The following UTP20 variants were observed in gnomAD, a reference collection of about 807,000 sequenced individuals.
UTP20 encodes the protein UTP20 small subunit processome component, also known as small subunit processome component 20 homolog.
In UTP20, 164 loss-of-function variants were observed where a neutral mutation model predicts 329.5. That is an observed-to-expected ratio of 0.50 (90% CI 0.44 to 0.57). The LOEUF is 0.57. UTP20 is among the 20% of genes least tolerant of loss of function. UTP20 has a pLI of 0.00. For synonymous variants in UTP20, 1,151 were observed against 1,159.3 expected, an observed-to-expected ratio of 0.99 and a Z score of 0.14; for missense variants, 3,055 against 3,284.2, an observed-to-expected ratio of 0.93 and a Z score of 1.71.
intron 12 of UTP20, among the ~76,000 whole-genome samples, chr12:101,296,495 C>T (rs7296602): frequency 0.31 from 45,776 of 149,640 alleles, 7,472 homozygotes; most frequent in Middle Eastern, 0.4. Flanking sequence ...GGCGTGAACC[C>T]GGGAGGTGGA....
chr12:101,320,696 C>T (rs769778075), intron 23 of UTP20, among the ~76,000 whole-genome samples, 156 bp from the exon 24 acceptor site: 2 of 152,008 alleles, frequency 1.3e-5, no homozygotes, highest in Non-Finnish European at 2.9e-5. Context: ...TTTTTACTTC[C>T]AGGAAAATGT....
intron 19 of UTP20, among the ~76,000 whole-genome samples, chr12:101,311,494 T>G (rs894400385): frequency 2.0e-5 from 3 of 152,210 alleles, no homozygotes; most frequent in African/African-American, 7.2e-5. Flanking sequence ...TCTACTTATA[T>G]TTTTAAAAAT....
intron 11 of UTP20, among the ~76,000 whole-genome samples, chr12:101,294,059 G>A (rs1043143314): frequency 6.6e-6 from 1 of 151,112 alleles, no homozygotes; most frequent in African/African-American, 2.4e-5. Context: ...TTTTAGAGAC[G>A]GAGTCTCACT....
chr12:101,357,577 C>A (rs964275690), intron 43 of UTP20, among the ~76,000 whole-genome samples: 2 of 152,072 alleles, frequency 1.3e-5, no homozygotes, highest in Non-Finnish European at 2.9e-5. Context: ...ATAGTGAGAC[C>A]TTTTCCCTAC....
chr12:101,349,104 A>G (rs1416819142), intron 38 of UTP20, among the ~76,000 whole-genome samples: 7 of 151,910 alleles, frequency 4.6e-5, no homozygotes, highest in African/African-American at 1.7e-4. Context: ...ATTATTTCCA[A>G]TGAGAAGTTA....
At chr12:101,324,620 A>T (rs1250692452) in intron 25 of UTP20, among the ~76,000 whole-genome samples, 1 of 152,154 alleles carries the variant, frequency 6.6e-6, no homozygotes, top group African/African-American at 2.4e-5. Context: ...TTGACTCTTC[A>T]GTTGGCTTTT....
chr12:101,293,389 G>T, intron 11 of UTP20, 144 bp downstream of exon 11: 1 of 693,974 alleles, frequency 1.4e-6, no homozygotes. Flanking sequence ...GTTTTTTAAA[G>T]AAATTATATT....
At chr12:101,320,796 T>C (rs1385914203) in intron 23 of UTP20, 56 bp from the exon 24 acceptor site, 2 of 1,434,514 alleles carry the variant, frequency 1.4e-6, no homozygotes, top group Non-Finnish European at 1.9e-6. Flanking sequence ...AGTAAATTGC[T>C]ATCCTATGGT....
chr12:101,353,934 CCAGA>C, intron 40 of UTP20, among the ~76,000 whole-genome samples: 1 of 151,770 alleles, frequency 6.6e-6, no homozygotes, highest in Non-Finnish European at 1.5e-5. Context: ...AATAGAAAAT[CCAGA>C]TAGATTTCTA....
Position 101,352,204 on chromosome 12 carries a change from A to G in UTP20, c.5024+10A>G. ...AAAAACTGGGTGTCAGGTGTGGTCAAACTTCTTATTTTTGTTTTGTTTTTT... is the reference window on the plus strand; with the variant it reads ...AAAAACTGGGTGTCAGGTGTGGTCAGACTTCTTATTTTTGTTTTGTTTTTT... On this transcript the variant is annotated intron_variant, in intron 39 of 61. Coordinates refer to ENST00000261637, the MANE Select transcript of UTP20 (RefSeq NM_014503.3). 1 of 1,595,744 alleles carries G rather than the reference A, an allele frequency of 6.3e-7. No individual in the cohort carries two copies. Among genetic ancestry groups the G allele is most frequent in the Non-Finnish European group, 8.5e-7 (1 of 1,175,598 alleles).
At chr12:101,307,177 CAA>C (rs1157893344) in intron 17 of UTP20, among the ~76,000 whole-genome samples, 18 of 71,744 alleles carry the variant, frequency 2.5e-4, no homozygotes, top group Admixed American at 2.4e-3. Flanking sequence ...GACTCCGTCT[CAA>C]AAAAAAAAAA....
In UTP20 at chr12:101,342,455, G is replaced by A; in HGVS notation, c.4111G>A (p.Val1371Ile). 1 of 1,607,132 alleles carries A rather than the reference G, an allele frequency of 6.2e-7. No homozygotes were observed. Among genetic ancestry groups the A allele is most frequent in the South Asian group, 1.1e-5 (1 of 89,106 alleles). Residue 1371 changes from valine (V) to isoleucine (I), a missense_variant, in exon 33 of 62, where the codon GTT becomes ATT. Around this residue, in one of 3 missense-constraint regions of UTP20, gnomAD observed 2,445 missense variants for 2,575.5 expected, o/e 0.95. Coordinates refer to ENST00000261637, the MANE Select transcript of UTP20 (RefSeq NM_014503.3). ...HRGNIAEDTE[V>I]DILVTVQNLL... ...ATTATTTCTTCTCAAGGATACAGAG[G>A]TTGATATTCTGGTGACAGTACAAAA...
intron 5 of UTP20, among the ~76,000 whole-genome samples, chr12:101,288,026 C>G (rs1872015762): frequency 6.6e-6 from 1 of 152,206 alleles, no homozygotes; most frequent in Admixed American, 6.5e-5. Flanking sequence ...GTGGGCACTC[C>G]TGAAATGTCT....
At chr12:101,375,808 A>G in intron 56 of UTP20, 52 bp downstream of exon 56, 1 of 1,149,644 alleles carries the variant, frequency 8.7e-7, no homozygotes. Flanking sequence ...TCATAGAATT[A>G]CTGAAAGTAG....
At chr12:101,356,356 T>C (rs894342405) in intron 41 of UTP20, among the ~76,000 whole-genome samples, 198 bp from the exon 42 acceptor site, 4 of 152,124 alleles carry the variant, frequency 2.6e-5, no homozygotes, top group Non-Finnish European at 5.9e-5. Context: ...AAACTCCCGA[T>C]CTCAGGTGAT....
chr12:101,293,353 T>A, intron 11 of UTP20, 108 bp downstream of exon 11: 1 of 947,998 alleles, frequency 1.1e-6, no homozygotes, highest in Middle Eastern at 2.9e-4. Flanking sequence ...AGGAACAGGA[T>A]AAGTGCTTGA....
rs1455562267 is a variant in UTP20 at position 101,346,525 on chromosome 12, ATC to A, written c.4825_4826del (p.Leu1609SerfsTer14). 2 of 1,610,584 alleles carry A rather than the reference ATC, an allele frequency of 1.2e-6. No individual in the cohort carries two copies. Among genetic ancestry groups the A allele is most frequent in the African/African-American group, 2.7e-5 (2 of 74,686 alleles). ...AAGGCAAAGTTGTTCTGTCTTCTAA[ATC>A]TCTTCAGAATTACATCATGCCTTAT... ...MEGKVVLSSK[S>X]LQNYIMPYAM... On this transcript the variant is annotated frameshift_variant, in exon 38 of 62. Transcript: ENST00000261637. LOFTEE classifies it high-confidence loss of function.
chr12:101,319,268 G>A (rs1873072934), intron 22 of UTP20, among the ~76,000 whole-genome samples: 1 of 152,098 alleles, frequency 6.6e-6, no homozygotes, highest in South Asian at 2.1e-4. Flanking sequence ...TACTAGTTTG[G>A]TTACTTTCTA....
Position 101,354,948 on chromosome 12 carries a change from C to T in UTP20, c.5224C>T (p.Pro1742Ser). ...SLSDNGQPGT[P>S]DPADSGGTSA... ...GTCAGACAACGGACAACCGGGAACC[C>T]CTGATCCAGCTGACTCTGGAGGAAC... The change falls in exon 41 of 62, where the codon CCT becomes TCT. Residue 1742 changes from proline (P) to serine (S), a missense_variant. By Grantham distance (74) the Pro-to-Ser change is moderately conservative. Around this residue, in one of 3 missense-constraint regions of UTP20, gnomAD observed 2,445 missense variants for 2,575.5 expected, o/e 0.95. Coordinates refer to ENST00000261637, the MANE Select transcript of UTP20 (RefSeq NM_014503.3). 1 of 1,614,118 alleles carries T rather than the reference C, an allele frequency of 6.2e-7. No homozygotes were observed. The highest frequency in any genetic ancestry group is 2.2e-5 in the East Asian group (1 of 44,880).
Sources: gnomAD v4.1 joint callset for allele counts (sites outside exome capture counted in the v4.1 genomes callset) on GRCh38, gnomAD v4.1.1 for gene constraint, gnomAD v4.1.1 regional missense constraint, MANE v1.5 for transcripts, NCBI Gene and HGNC (gene_info 2026-07-23, HGNC 2026-07-21) for gene names.